Variants in KLHL36 observed in about 807,000 individuals in gnomAD.
The protein encoded by KLHL36 is kelch like family member 36.
KLHL36 carries 35 observed loss-of-function variants against 53.3 expected under a neutral mutation model. The observed-to-expected ratio is 0.66, with a 90% CI of 0.50 to 0.87. The LOEUF (loss-of-function observed/expected upper bound fraction) is 0.87. KLHL36 is among the 40% of genes least tolerant of loss of function. KLHL36 has a pLI of 0.00. For synonymous variants in KLHL36, 472 were observed against 398.9 expected (o/e 1.18, Z -2.18); for missense variants, 864 against 897.6 (o/e 0.96, Z 0.48).
intron 1 of KLHL36, among the ~76,000 whole-genome samples, chr16:84,649,631 T>G (rs1180311622): frequency 1.3e-5 from 2 of 152,238 alleles, no homozygotes; most frequent in African/African-American, 2.4e-5. Flanking sequence ...TCACAAAGTT[T>G]CTAGTTTGTC....
intron 4 of KLHL36, 83 bp downstream of exon 4, chr16:84,660,000 C>A: frequency 7.7e-7 from 1 of 1,307,024 alleles, no homozygotes; most frequent in Non-Finnish European, 1.1e-6. Context: ...ACTTTCTGGG[C>A]ATGTTGGCCT....
rs1206673262 is a variant in KLHL36, at chr16:84,662,037, C to T, written c.1755C>T (p.Ile585=). ...WSRGVDLPKA[I]AGGSACVCAL... is the part of the protein sequence containing the mutation. ...GGGGCGTCGACCTGCCCAAGGCCAT[C>T]GCTGGCGGGTCCGCCTGTGTCTGCG... The change falls in exon 5 of 5, where the codon ATC becomes ATT. Residue 585 remains isoleucine (I), a synonymous_variant. Coordinates refer to ENST00000564996, the MANE Select transcript of KLHL36 (RefSeq NM_024731.4). 5.7e-6 allele frequency: 9 copies of T among 1,584,484 alleles called. No homozygotes were observed. The highest frequency in any genetic ancestry group is 1.3e-5 in the African/African-American group (1 of 74,700).
intron 4 of KLHL36, 84 bp downstream of exon 4, chr16:84,660,001 A>G (rs530490458): frequency 7.6e-7 from 1 of 1,307,998 alleles, no homozygotes; most frequent in Admixed American, 2.1e-5. Context: ...CTTTCTGGGC[A>G]TGTTGGCCTC....
intron 4 of KLHL36, among the ~76,000 whole-genome samples, 157 bp downstream of exon 4, chr16:84,660,074 G>C (rs1032611550): frequency 1.3e-5 from 2 of 152,134 alleles, no homozygotes; most frequent in Non-Finnish European, 2.9e-5. Flanking sequence ...AGGGGCGGAG[G>C]GCGTGACGGT....
Position 84,661,869 on chromosome 16 carries a change from GGC to G in KLHL36, c.1590_1591del (p.Pro531AlafsTer120). 6.2e-7 allele frequency: 1 copy of G among 1,600,784 alleles called. No homozygotes were observed. Among genetic ancestry groups the G allele is most frequent in the Non-Finnish European group, 8.5e-7 (1 of 1,169,806 alleles). On this transcript the variant is annotated frameshift_variant, in exon 5 of 5. Coordinates refer to ENST00000564996, the MANE Select transcript of KLHL36 (RefSeq NM_024731.4). LOFTEE classifies it high-confidence loss of function. The surrounding 1 kb of genome is among the most constrained non-coding windows in gnomAD (Gnocchi z 7.9). Reference sequence around the variant, plus strand: ...CGCAGTGCAACCAGTGGACCCGCGTGGCGCCGCTGCTGCACGCCAACAGCGAG... The same window carrying G: ...CGCAGTGCAACCAGTGGACCCGCGTGGCCGCTGCTGCACGCCAACAGCGAG... ...SPQCNQWTRVAPLLHANSESG... is the reference protein window; with the variant it reads ...SPQCNQWTRVXPLLHANSESG...
intron 2 of KLHL36, among the ~76,000 whole-genome samples, chr16:84,653,933 T>G (rs1907052660): frequency 6.6e-6 from 1 of 151,614 alleles, no homozygotes; most frequent in African/African-American, 2.4e-5. Context: ...AGATTGCAGC[T>G]GATTGTACCC....
rs1037153644 is a variant in KLHL36 at position 84,665,120 on chromosome 16, T to C, written c.*2987T>C. Reference sequence around the variant, plus strand: ...CCGCACAGTCACGAATGTGGGGTTTTAAACTAGAGTGATGAAGGCACAGGT... The same window carrying C: ...CCGCACAGTCACGAATGTGGGGTTTCAAACTAGAGTGATGAAGGCACAGGT... On this transcript the variant is annotated 3_prime_UTR_variant, in exon 5 of 5. Transcript: ENST00000564996. The C allele has an allele frequency of 2.0e-5, 3 of 152,216 alleles. No individual in the cohort carries two copies. Among genetic ancestry groups the C allele is most frequent in the African/African-American group, 7.2e-5 (3 of 41,466 alleles). The allele number at this position is 152,216 out of a possible 1,614,324, so 9.4% of individuals were successfully genotyped here.
In KLHL36 at chr16:84,662,335, C is replaced by G. The variant is rs758909317; in HGVS notation, c.*202C>G. 156 of 543,518 alleles carry G rather than the reference C, an allele frequency of 2.9e-4. 1 individual carries two copies. Among genetic ancestry groups the G allele is most frequent in the Non-Finnish European group, 4.5e-4 (141 of 314,048 alleles). The allele number at this position is 543,518 out of a possible 1,614,324, so 33.7% of individuals were successfully genotyped here. On this transcript the variant is annotated 3_prime_UTR_variant, in exon 5 of 5. Coordinates refer to ENST00000564996, the MANE Select transcript of KLHL36 (RefSeq NM_024731.4). ...ACATATCTTGCTTGAATAACTAACC[C>G]TGGGCCCAGGCAGTGAGCAACCCCT... is the stretch of plus-strand genomic sequence containing the variant.
At chr16:84,651,903 A>T (rs11647936) in intron 2 of KLHL36, among the ~76,000 whole-genome samples, 35,460 of 152,110 alleles carry the variant, frequency 0.23, 4,812 homozygotes, top group Non-Finnish European at 0.31. Flanking sequence ...ACACTTCTTT[A>T]GATGAAGGGA....
At chr16:84,658,034 T>G (rs1597220330) in intron 3 of KLHL36, 90 bp downstream of exon 3, 1 of 936,080 alleles carries the variant, frequency 1.1e-6, no homozygotes, top group East Asian at 2.7e-5. Flanking sequence ...CTCTGGGGCC[T>G]TGACAACTAT....
At chr16:84,656,801 C>G (rs1235129043) in intron 2 of KLHL36, 70 bp from the exon 3 acceptor site, 3 of 1,103,498 alleles carry the variant, frequency 2.7e-6, no homozygotes, top group Non-Finnish European at 4.0e-6. Flanking sequence ...AAATGCTGGT[C>G]AGGACCCACT....
chr16:84,656,134 A>C (rs1382262591), intron 2 of KLHL36, among the ~76,000 whole-genome samples: 1 of 151,974 alleles, frequency 6.6e-6, no homozygotes. Flanking sequence ...GCCTCAAGTG[A>C]TTCTCCCGTC....
At position 84,665,407 on chromosome 16, in the gene KLHL36, T is replaced by G. The variant is rs897260323; in HGVS notation, c.*3274T>G. On this transcript the variant is annotated 3_prime_UTR_variant, in exon 5 of 5. Transcript: ENST00000564996. ...GAAAGCTGTTTGCTTAAGACATAGA[T>G]GTATTATAATAATAGAAGGGAGGGA... 10 of 152,200 alleles carry G rather than the reference T, an allele frequency of 6.6e-5. No individual in the cohort carries two copies. Among genetic ancestry groups the G allele is most frequent in the Admixed American group, 5.9e-4 (9 of 15,272 alleles). 9.4% of individuals were successfully genotyped at this position (152,200 alleles called of 1,614,324 possible).
chr16:84,660,938 A>C (rs2150728599), intron 4 of KLHL36, among the ~76,000 whole-genome samples: 1 of 152,304 alleles, frequency 6.6e-6, no homozygotes, highest in South Asian at 2.1e-4. Context: ...ATCCTTTCTT[A>C]TTCACTAAAG....
chr16:84,651,023 TTGTCATTGGTG>T, intron 2 of KLHL36, 93 bp downstream of exon 2: 1 of 1,062,702 alleles, frequency 9.4e-7, no homozygotes, highest in Non-Finnish European at 1.4e-6. Flanking sequence ...ACTGATTTTT[TTGTCATTGGTG>T]TTGTCAGTCT....
intron 2 of KLHL36, among the ~76,000 whole-genome samples, chr16:84,656,160 A>G (rs907565725): frequency 6.6e-6 from 1 of 152,046 alleles, no homozygotes; most frequent in Non-Finnish European, 1.5e-5. Flanking sequence ...CTCACAAAGC[A>G]TTGAGATTAC....
At chr16:84,651,386 G>C (rs945506369) in intron 2 of KLHL36, among the ~76,000 whole-genome samples, 1 of 152,098 alleles carries the variant, frequency 6.6e-6, no homozygotes, top group South Asian at 2.1e-4. Context: ...GATTCCCTGC[G>C]ACCTAAGAGC....
At chr16:84,649,496 C>CTAAG (rs35366023) in intron 1 of KLHL36, among the ~76,000 whole-genome samples, 1 of 151,936 alleles carries the variant, frequency 6.6e-6, no homozygotes, top group Non-Finnish European at 1.5e-5. Flanking sequence ...TGTCACCTCT[C>CTAAG]AGCGTGAAGG....
chr16:84,660,464 A>G (rs115645856), intron 4 of KLHL36, among the ~76,000 whole-genome samples: 218 of 152,254 alleles, frequency 1.4e-3, no homozygotes, highest in African/African-American at 5.0e-3. Flanking sequence ...ATGTGCATGT[A>G]TCGAGCATTT....
Sources: allele counts gnomAD v4.1 joint callset (sites outside exome capture counted in the v4.1 genomes callset), GRCh38; gene constraint gnomAD v4.1.1; non-coding constraint Gnocchi (gnomAD v3.1); transcripts MANE v1.5; gene names NCBI Gene and HGNC (gene_info 2026-07-23, HGNC 2026-07-21).